The following GPM6A variants were observed in gnomAD, a reference collection of about 807,000 sequenced individuals.
GPM6A encodes the protein neuronal membrane glycoprotein M6-a.
Under a neutral mutation model 32.1 loss-of-function variants are expected in GPM6A, and 7 were observed. The observed-to-expected ratio is 0.22, with a 90% CI of 0.12 to 0.41. The LOEUF (loss-of-function observed/expected upper bound fraction) is 0.41, where lower values mean the gene tolerates loss of function less well. Among genes scored for constraint, GPM6A ranks in the 10% least tolerant of loss-of-function variants. The pLI, the probability that GPM6A is intolerant of heterozygous loss-of-function variation, is 1.00. For missense variants in GPM6A, 235 were observed against 347.2 expected (o/e 0.68, Z 2.57); for synonymous variants, 130 against 123.4 (o/e 1.05, Z -0.35).
chr4:175,961,743 G>A (rs941232263), intron 1 of GPM6A, among the ~76,000 whole-genome samples: 1 of 152,104 alleles, frequency 6.6e-6, no homozygotes, highest in African/African-American at 2.4e-5. Flanking sequence ...AAACACCAGA[G>A]CTTTCTGTTC....
At chr4:175,806,712 T>G (rs188531848) in intron 1 of GPM6A, among the ~76,000 whole-genome samples, 179 of 152,348 alleles carry the variant, frequency 1.2e-3, no homozygotes, top group Non-Finnish European at 2.1e-3. Context: ...GTTGTAGAAC[T>G]ACATTTGAAA....
intron 1 of GPM6A, among the ~76,000 whole-genome samples, chr4:175,828,699 AAAT>A (rs1374388109): frequency 6.6e-6 from 1 of 152,188 alleles, no homozygotes; most frequent in African/African-American, 2.4e-5. Flanking sequence ...ACAATAAGCA[AAAT>A]AATAATAACA....
At position 175,840,663 on chromosome 4, in the gene GPM6A, G is replaced by A. The variant is rs142617407; in HGVS notation, c.-22-28414C>T. Among the ~76,000 whole-genome samples, 350 of 152,208 alleles carry A rather than the reference G, an allele frequency of 2.3e-3. 5 individuals are homozygous for A. Among genetic ancestry groups the A allele is most frequent in the African/African-American group, 7.7e-3 (319 of 41,534 alleles). ...CACTCCAGCTGGAGACAACAAGAGC[G>A]AAACTCCATCTCAAAAATAAATAAA... On this transcript the variant is annotated intron_variant, in intron 1 of 7. Coordinates refer to the GPM6A transcript ENST00000280187.
At chr4:175,769,956 A>C (rs1310182492) in intron 1 of GPM6A, among the ~76,000 whole-genome samples, 1 of 152,206 alleles carries the variant, frequency 6.6e-6, no homozygotes, top group African/African-American at 2.4e-5. Flanking sequence ...CAAGGTGAAT[A>C]ATATCATTAT....
chr4:175,725,993 C>CTTTTTTTT (rs377474451), intron 1 of GPM6A, among the ~76,000 whole-genome samples: 2 of 121,932 alleles, frequency 1.6e-5, no homozygotes, highest in Non-Finnish European at 3.2e-5. Flanking sequence ...CCTGTTTCTT[C>CTTTTTTTT]TTTTTTTTTT....
chr4:175,748,870 T>C (rs915832248), intron 1 of GPM6A, among the ~76,000 whole-genome samples: 5 of 152,200 alleles, frequency 3.3e-5, no homozygotes, highest in Non-Finnish European at 7.4e-5. Context: ...TCAATGTTCT[T>C]AGCTAGATCT....
chr4:175,961,950 C>T (rs1740179070), intron 1 of GPM6A: 2 of 483,180 alleles, frequency 4.1e-6, no homozygotes, highest in African/African-American at 2.0e-5. Context: ...GACAGTGCTG[C>T]CCCTCACCCA....
At chr4:175,944,760 A>G (rs1383667054) in intron 1 of GPM6A, among the ~76,000 whole-genome samples, 1 of 152,180 alleles carries the variant, frequency 6.6e-6, no homozygotes, top group Non-Finnish European at 1.5e-5. Flanking sequence ...CTTGACTCTT[A>G]GTGGCATGGA....
chr4:175,706,654 A>C (rs7673675), intron 1 of GPM6A, among the ~76,000 whole-genome samples: 54,628 of 152,096 alleles, frequency 0.36, 12,219 homozygotes, highest in Non-Finnish European at 0.49. Flanking sequence ...CTGTCCCATT[A>C]GTCTGTCTAT....
At chr4:175,933,558 A>G (rs1281635682) in intron 1 of GPM6A, among the ~76,000 whole-genome samples, 2 of 130,632 alleles carry the variant, frequency 1.5e-5, no homozygotes, top group Non-Finnish European at 3.3e-5. Flanking sequence ...ATGTTCTTAG[A>G]AGTTCTTAGA....
chr4:175,682,986 C>T (rs552900877), intron 2 of GPM6A, among the ~76,000 whole-genome samples: 7 of 152,308 alleles, frequency 4.6e-5, no homozygotes, highest in Non-Finnish European at 1.0e-4. Flanking sequence ...GGTCACTGAT[C>T]TCCAGACCCC....
intron 3 of GPM6A, 144 bp from the exon 4 acceptor site, chr4:175,652,131 A>G: frequency 1.8e-6 from 1 of 556,294 alleles, no homozygotes; most frequent in East Asian, 3.0e-5. Context: ...TTTGCAGCAC[A>G]GAAGGTTGAG....
upstream of GPM6A, among the ~76,000 whole-genome samples, chr4:175,817,196 C>CT (rs1735133456): frequency 6.6e-6 from 1 of 152,212 alleles, no homozygotes. Context: ...ACCACAAACA[C>CT]TGCAATGTTT....
chr4:175,704,382 G>A (rs745718675), intron 1 of GPM6A, among the ~76,000 whole-genome samples: 3 of 151,850 alleles, frequency 2.0e-5, no homozygotes, highest in Non-Finnish European at 2.9e-5. Context: ...ACACAATGTG[G>A]GGAAGTAGAA....
chr4:175,961,717 G>T (rs922315812), intron 1 of GPM6A, among the ~76,000 whole-genome samples: 1 of 152,100 alleles, frequency 6.6e-6, no homozygotes, highest in Non-Finnish European at 1.5e-5. Flanking sequence ...GAGAGTGAGA[G>T]AGCAGCTCTT....
chr4:175,711,331 A>C (rs1406866683), intron 1 of GPM6A, among the ~76,000 whole-genome samples: 1 of 148,618 alleles, frequency 6.7e-6, no homozygotes, highest in African/African-American at 2.5e-5. Context: ...GAAATAAATA[A>C]GCAAAAAAGA....
Position 175,962,278 on chromosome 4 carries a change from C to T in GPM6A, c.-23+40031G>A, listed in dbSNP as rs573748583. 120 of 1,305,086 alleles carry T rather than the reference C, an allele frequency of 9.2e-5. 2 individuals carry two copies. The South Asian group carries it at 1.1e-3, about 12-fold the overall frequency. 80.8% of individuals were successfully genotyped at this position (1,305,086 alleles called of 1,614,324 possible). A position where few individuals can be genotyped will look rare whatever the true frequency, so the allele number is the denominator to read the frequency against. On this transcript the variant is annotated intron_variant, in intron 1 of 7. Transcript: ENST00000280187. ...ATTGAAAACTCAAATGCCTTTTCAACACCACAGACACCAGAAGTAAAAGTG... is the reference window on the plus strand; with the variant it reads ...ATTGAAAACTCAAATGCCTTTTCAATACCACAGACACCAGAAGTAAAAGTG...
chr4:175,802,373 A>G (rs1280311013), intron 1 of GPM6A, among the ~76,000 whole-genome samples: 2 of 152,142 alleles, frequency 1.3e-5, no homozygotes, highest in Non-Finnish European at 2.9e-5. Flanking sequence ...GAGCATTGAA[A>G]GGTTAGATGG....
chr4:175,845,342 T>C (rs1001146416), intron 1 of GPM6A, among the ~76,000 whole-genome samples: 14 of 152,042 alleles, frequency 9.2e-5, no homozygotes, highest in Admixed American at 7.9e-4. Flanking sequence ...GGAATGTAAA[T>C]TTTTTACTTA....
Sources: allele counts gnomAD v4.1 joint callset (sites outside exome capture counted in the v4.1 genomes callset), GRCh38; gene constraint gnomAD v4.1.1; transcripts MANE v1.5; gene names NCBI Gene and HGNC (gene_info 2026-07-23, HGNC 2026-07-21).